Variants in DRD2 observed in about 807,000 individuals in gnomAD.
The protein encoded by DRD2 is D(2) dopamine receptor.
Under a neutral mutation model 38.0 loss-of-function variants are expected in DRD2, and 8 were observed. That is an observed-to-expected ratio of 0.21 (90% CI 0.12 to 0.38). The LOEUF (loss-of-function observed/expected upper bound fraction) is 0.38. DRD2 is among the 10% of genes least tolerant of loss of function. The pLI, the probability that DRD2 is intolerant of heterozygous loss-of-function variation, is 1.00. For synonymous variants in DRD2, 230 were observed against 238.6 expected (o/e 0.96, Z 0.33); for missense variants, 403 against 607.7 (o/e 0.66, Z 3.54).
At chr11:113,427,109 GT>G (rs1057135253) in intron 1 of DRD2, among the ~76,000 whole-genome samples, 2 of 152,204 alleles carry the variant, frequency 1.3e-5, no homozygotes, top group Non-Finnish European at 2.9e-5. Context: ...AGTTTGCTAA[GT>G]TTTTTGGATA....
chr11:113,454,296 G>T (rs1225297175), intron 1 of DRD2, among the ~76,000 whole-genome samples: 1 of 152,104 alleles, frequency 6.6e-6, no homozygotes, highest in Non-Finnish European at 1.5e-5. Context: ...AGATTTCAGT[G>T]AGCTGAGGTC....
intron 1 of DRD2, among the ~76,000 whole-genome samples, chr11:113,465,411 G>GTTTGTTTGTTTGT (rs1555168769): frequency 6.6e-6 from 1 of 150,506 alleles, no homozygotes; most frequent in Non-Finnish European, 1.5e-5. Flanking sequence ...TGTTGTTGTT[G>GTTTGTTTGTTTGT]TTGTTTGTTT....
intron 1 of DRD2, among the ~76,000 whole-genome samples, chr11:113,426,902 C>T (rs1950946155): frequency 6.6e-6 from 1 of 152,202 alleles, no homozygotes; most frequent in Non-Finnish European, 1.5e-5. Flanking sequence ...TGATCAGGTG[C>T]CTGGGGCTGC....
At chr11:113,428,402 G>A (rs1167224840) in intron 1 of DRD2, among the ~76,000 whole-genome samples, 2 of 152,208 alleles carry the variant, frequency 1.3e-5, no homozygotes, top group African/African-American at 4.8e-5. Context: ...AGGGAAAGCA[G>A]CGAGGCCTTG....
At chr11:113,462,741 G>A (rs768215645) in intron 1 of DRD2, among the ~76,000 whole-genome samples, 1 of 152,228 alleles carries the variant, frequency 6.6e-6, no homozygotes, top group African/African-American at 2.4e-5. Context: ...AGCCCACACA[G>A]GTGGGCAGCC....
intron 1 of DRD2, among the ~76,000 whole-genome samples, chr11:113,463,728 A>G (rs1951343616): frequency 6.6e-6 from 1 of 152,208 alleles, no homozygotes; most frequent in African/African-American, 2.4e-5. Flanking sequence ...TAAGGGCTCC[A>G]TTCCAGCCTT....
chr11:113,466,409 T>C (rs1437094014), intron 1 of DRD2, among the ~76,000 whole-genome samples: 1 of 136,344 alleles, frequency 7.3e-6, no homozygotes, highest in East Asian at 2.3e-4. Context: ...CACACCTGTG[T>C]ATGTTTCCTC....
At chr11:113,415,129 A>T (rs2138161666) in intron 5 of DRD2, among the ~76,000 whole-genome samples, 1 of 152,100 alleles carries the variant, frequency 6.6e-6, no homozygotes, top group African/African-American at 2.4e-5. Context: ...GGAAGAGAGG[A>T]GCCCACGGGG....
In DRD2 at chr11:113,424,588, A is replaced by G; in HGVS notation, c.64T>C (p.Phe22Leu). ...DLERQNWSRP[F>L]NGSDGKADRP... ...TCCGCCTTCCCGTCTGACCCGTTGAAGGGCCGGCTCCAGTTCTGCCTCTCC... is the reference window on the plus strand; with the variant it reads ...TCCGCCTTCCCGTCTGACCCGTTGAGGGGCCGGCTCCAGTTCTGCCTCTCC... Residue 22 changes from phenylalanine (F) to leucine (L), a missense_variant, in exon 2 of 8, where the codon TTC becomes CTC. This residue lies in a region of DRD2 where 162 missense variants were observed against 254.5 expected (regional missense o/e 0.64). Coordinates refer to ENST00000362072, the MANE Select transcript of DRD2 (RefSeq NM_000795.4). The G allele has an allele frequency of 6.2e-7, 1 of 1,614,222 alleles. No homozygotes were observed. Among genetic ancestry groups the G allele is most frequent in the Non-Finnish European group, 8.5e-7 (1 of 1,180,042 alleles).
intron 1 of DRD2, among the ~76,000 whole-genome samples, chr11:113,425,251 G>T (rs1950928833): frequency 6.6e-6 from 1 of 152,216 alleles, no homozygotes; most frequent in South Asian, 2.1e-4. Flanking sequence ...GGTATTCAGG[G>T]AAGGCTTTCT....
At chr11:113,441,838 C>T (rs529378272) in intron 1 of DRD2, among the ~76,000 whole-genome samples, 3 of 151,872 alleles carry the variant, frequency 2.0e-5, no homozygotes, top group Non-Finnish European at 4.4e-5. Context: ...TAAAAAATTA[C>T]CCTGGAGGCT....
intron 1 of DRD2, among the ~76,000 whole-genome samples, chr11:113,455,414 T>C (rs1951260198): frequency 6.6e-6 from 1 of 152,150 alleles, no homozygotes; most frequent in Non-Finnish European, 1.5e-5. Flanking sequence ...ATTTTTTGCA[T>C]ATGACCCCAA....
chr11:113,425,125 C>G (rs1222444991), intron 1 of DRD2, among the ~76,000 whole-genome samples: 1 of 152,186 alleles, frequency 6.6e-6, no homozygotes, highest in Non-Finnish European at 1.5e-5. Context: ...ACAAAATATA[C>G]ATGGTTCTGT....
intron 1 of DRD2, 176 bp from the exon 2 acceptor site, chr11:113,424,858 T>C: frequency 1.6e-6 from 1 of 636,720 alleles, no homozygotes; most frequent in Non-Finnish European, 2.7e-6. Flanking sequence ...TGCTAGCAAG[T>C]TTTTACAGCT....
intron 1 of DRD2, among the ~76,000 whole-genome samples, chr11:113,450,375 C>T (rs547482002): frequency 6.6e-6 from 1 of 152,194 alleles, no homozygotes; most frequent in African/African-American, 2.4e-5. Flanking sequence ...ATTACTCCCT[C>T]TTTAGGAGTT....
chr11:113,432,080 G>A (rs534572841), intron 1 of DRD2, among the ~76,000 whole-genome samples: 2 of 152,282 alleles, frequency 1.3e-5, no homozygotes, highest in East Asian at 3.9e-4. Context: ...TATTGGAAGG[G>A]AAAAAAGCTC....
At chr11:113,462,076 C>T (rs909144512) in intron 1 of DRD2, among the ~76,000 whole-genome samples, 14 of 152,168 alleles carry the variant, frequency 9.2e-5, no homozygotes, top group African/African-American at 3.4e-4. Flanking sequence ...TCCTGAACTC[C>T]CAGTTGTACT....
rs78973299 is a variant in DRD2, at chr11:113,412,684, A to G, written c.1010T>C (p.Ile337Thr). ...GGTCTGGATCTCAAAGATCTTGGCAATCTTGGGGTGGTCTTTGGCATGCCC... is the reference window on the plus strand; with the variant it reads ...GGTCTGGATCTCAAAGATCTTGGCAGTCTTGGGGTGGTCTTTGGCATGCCC... ...KNGHAKDHPK[I>T]AKIFEIQTMP... Residue 337 changes from isoleucine to threonine, a missense_variant, in exon 7 of 8, where the codon ATT becomes ACT. By Grantham distance (89) the Ile-to-Thr change is moderately conservative. This residue lies in a region of DRD2 where 166 missense variants were observed against 178.6 expected (regional missense o/e 0.93). Transcript: ENST00000362072. The G allele has an allele frequency of 3.1e-6, 5 of 1,614,058 alleles. No homozygotes were observed. Among genetic ancestry groups the G allele is most frequent in the African/African-American group, 2.7e-5 (2 of 74,900 alleles).
At position 113,410,478 on chromosome 11, in the gene DRD2, A is replaced by C; in HGVS notation, c.*249T>G. 1.7e-6 allele frequency: 1 copy of C among 577,194 alleles called. No individual in the cohort carries two copies. Among genetic ancestry groups the C allele is most frequent in the Non-Finnish European group, 3.1e-6 (1 of 320,770 alleles). 35.8% of individuals were successfully genotyped at this position (577,194 alleles called of 1,614,324 possible). On this transcript the variant is annotated 3_prime_UTR_variant, in exon 8 of 8. Transcript: ENST00000362072. Reference sequence around the variant, plus strand: ...GACTGGAGGTGGGAGGGGGGACTCTATGAGCTGCCCCTGAGCTGGGGGGCC... The same window carrying C: ...GACTGGAGGTGGGAGGGGGGACTCTCTGAGCTGCCCCTGAGCTGGGGGGCC...
Sources: gnomAD v4.1 joint callset for allele counts (sites outside exome capture counted in the v4.1 genomes callset) on GRCh38, gnomAD v4.1.1 for gene constraint, gnomAD v4.1.1 regional missense constraint, MANE v1.5 for transcripts, NCBI Gene and HGNC (gene_info 2026-07-23, HGNC 2026-07-21) for gene names.